XXYLT1: variants seen among roughly 807,000 people sequenced by gnomAD.
XXYLT1 encodes the protein UDP-xylose:alpha-xyloside alpha-1,3-xylosyltransferase.
A neutral mutation model predicts 28.9 loss-of-function variants in XXYLT1; 20 were observed. The observed-to-expected ratio is 0.69, with a 90% confidence interval of 0.49 to 1.00. XXYLT1 has a LOEUF of 1.00. XXYLT1 is among the 50% of genes least tolerant of loss of function. XXYLT1 has a pLI of 0.00. For synonymous variants in XXYLT1, 257 were observed against 253.8 expected, an observed-to-expected ratio of 1.01 and a Z score of -0.12; for missense variants, 542 against 560.1, an observed-to-expected ratio of 0.97 and a Z score of 0.33.
At chr3:195,163,076 G>A (rs933863848) in intron 2 of XXYLT1, among the ~76,000 whole-genome samples, 4 of 152,096 alleles carry the variant, frequency 2.6e-5, no homozygotes, top group Admixed American at 1.3e-4. Context: ...CAGTTAGACC[G>A]ATGATGCTTA....
At chr3:195,149,806 T>G (rs1720089735) in intron 3 of XXYLT1, among the ~76,000 whole-genome samples, 1 of 152,232 alleles carries the variant, frequency 6.6e-6, no homozygotes, top group African/African-American at 2.4e-5. Context: ...AAAACTGGTC[T>G]GTATAGATAA....
chr3:195,096,471 C>T lies in XXYLT1; in HGVS notation c.786-26360G>A, dbSNP rs148457730. ...CATAATACACATGCACATACGCACA[C>T]GTGTACGTAACAGACGCACATGCTG... On this transcript the variant is annotated intron_variant, in intron 3 of 3. Coordinates refer to ENST00000310380, the MANE Select transcript of XXYLT1 (RefSeq NM_152531.5). Among the ~76,000 whole-genome samples, 17 of 152,296 alleles carry T rather than the reference C, an allele frequency of 1.1e-4. No homozygotes were observed. The East Asian group carries it at 1.7e-3, about 16-fold the overall frequency.
rs139512771 is a variant in XXYLT1, at chr3:195,133,140, A to G, written c.785+23309T>C. On this transcript the variant is annotated intron_variant, in intron 3 of 3. Transcript: ENST00000310380. The surrounding 1 kb of genome is among the most constrained non-coding windows in gnomAD (Gnocchi z 4.4). ...GGGACCTGACAGAAGGAGGGTGGCA[A>G]GAGAAGGAATCAGGCAGATTAAGGG... Among the ~76,000 whole-genome samples, 257 of 152,354 alleles carry G rather than the reference A, an allele frequency of 1.7e-3. 5 individuals are homozygous for G. Among genetic ancestry groups the G allele is most frequent in the Admixed American group, 0.014 (217 of 15,304 alleles).
intron 1 of XXYLT1, among the ~76,000 whole-genome samples, chr3:195,260,700 C>T (rs1205378555): frequency 6.6e-6 from 1 of 152,346 alleles, no homozygotes; most frequent in Non-Finnish European, 1.5e-5. Context: ...CCTCAAACAG[C>T]AGAGGAGGTG....
intron 3 of XXYLT1, among the ~76,000 whole-genome samples, chr3:195,107,765 A>G (rs946629203): frequency 6.6e-6 from 1 of 151,428 alleles, no homozygotes; most frequent in Non-Finnish European, 1.5e-5. Context: ...TCTGGCGGGG[A>G]TCCAGCCCCT....
chr3:195,086,490 T>C (rs1715735911), intron 3 of XXYLT1, among the ~76,000 whole-genome samples: 1 of 152,180 alleles, frequency 6.6e-6, no homozygotes, highest in African/African-American at 2.4e-5. Context: ...GTCTATCCAG[T>C]TGTATTCAAC....
At chr3:195,122,658 C>T (rs191611672) in intron 3 of XXYLT1, among the ~76,000 whole-genome samples, 156 of 152,326 alleles carry the variant, frequency 1.0e-3, no homozygotes, top group Non-Finnish European at 1.8e-3. Context: ...AGCCCCAGCA[C>T]CACAAATTAG....
intron 2 of XXYLT1, among the ~76,000 whole-genome samples, chr3:195,216,237 T>C (rs1284009421): frequency 1.3e-5 from 2 of 151,018 alleles, no homozygotes; most frequent in Non-Finnish European, 3.0e-5. Context: ...CACCCTAACA[T>C]CACAATTGAA....
rs1461003313 is a variant in XXYLT1 at position 195,255,308 on chromosome 3, A to G, written c.504+15247T>C. Among the ~76,000 whole-genome samples the G allele has an allele frequency of 6.6e-6, 1 of 152,100 alleles. No homozygotes were observed. The highest frequency in any genetic ancestry group is 6.5e-5 in the Admixed American group (1 of 15,282). ...GCAGGAGTGCAGAGCCAGGTGGGAG[A>G]CAGCAGCGGGGTTCCCTACCCCACA... On this transcript the variant is annotated intron_variant, in intron 1 of 3. Coordinates refer to ENST00000310380, the MANE Select transcript of XXYLT1 (RefSeq NM_152531.5). The surrounding 1 kb of genome is among the most constrained non-coding windows in gnomAD (Gnocchi z 4.5).
chr3:195,153,808 G>C (rs746861794), intron 3 of XXYLT1: 2 of 152,178 alleles, frequency 1.3e-5, no homozygotes, highest in African/African-American at 4.8e-5. Flanking sequence ...GAAGGCATTG[G>C]CGCTGTAACT....
At chr3:195,103,802 C>T (rs1716941278) in intron 3 of XXYLT1, among the ~76,000 whole-genome samples, 1 of 152,180 alleles carries the variant, frequency 6.6e-6, no homozygotes, top group African/African-American at 2.4e-5. Flanking sequence ...TGTCCTTTGA[C>T]CTCATGGAAT....
At chr3:195,089,845 A>G (rs1177087694) in intron 3 of XXYLT1, among the ~76,000 whole-genome samples, 1 of 152,118 alleles carries the variant, frequency 6.6e-6, no homozygotes, top group Non-Finnish European at 1.5e-5. Flanking sequence ...TACCAAGCCA[A>G]TGGAAAACAA....
chr3:195,190,722 C>A (rs896586240), intron 2 of XXYLT1, among the ~76,000 whole-genome samples: 1 of 151,428 alleles, frequency 6.6e-6, no homozygotes, highest in African/African-American at 2.4e-5. Flanking sequence ...GGGTTTATAA[C>A]GTATATAAAC....
At chr3:195,156,364 TC>T (rs1720588448) in intron 3 of XXYLT1, 84 bp downstream of exon 3, 2 of 1,558,218 alleles carry the variant, frequency 1.3e-6, no homozygotes, top group Admixed American at 1.9e-5. Context: ...CGCCACTAAA[TC>T]CCAATCTGTC....
intron 2 of XXYLT1, among the ~76,000 whole-genome samples, chr3:195,179,416 T>C (rs541504723): frequency 1.3e-5 from 2 of 151,244 alleles, no homozygotes; most frequent in African/African-American, 4.9e-5. Flanking sequence ...CAAAACACTC[T>C]GACCCAATTC....
intron 2 of XXYLT1, among the ~76,000 whole-genome samples, chr3:195,224,939 G>C (rs1025885439): frequency 2.0e-5 from 3 of 152,192 alleles, no homozygotes; most frequent in South Asian, 4.1e-4. Context: ...CTAGAATCTA[G>C]AACAGAACCA....
chr3:195,243,359 T>TA (rs550882445), intron 1 of XXYLT1, among the ~76,000 whole-genome samples: 3,522 of 140,864 alleles, frequency 0.025, 65 homozygotes, highest in Middle Eastern at 0.059. Context: ...CAAAGTATAA[T>TA]AAAAAAAAAA....
intron 3 of XXYLT1, among the ~76,000 whole-genome samples, chr3:195,125,331 G>A (rs985166300): frequency 6.6e-6 from 1 of 152,258 alleles, no homozygotes; most frequent in Non-Finnish European, 1.5e-5. Flanking sequence ...GGGGAAGCCT[G>A]GGGCCTGGGC....
chr3:195,171,762 G>A (rs1721416390), intron 2 of XXYLT1, among the ~76,000 whole-genome samples: 1 of 152,218 alleles, frequency 6.6e-6, no homozygotes, highest in Non-Finnish European at 1.5e-5. Context: ...TGCCAGGTCA[G>A]GGCAAATTTG....
Sources: allele counts gnomAD v4.1 joint callset (sites outside exome capture counted in the v4.1 genomes callset), GRCh38; gene constraint gnomAD v4.1.1; non-coding constraint Gnocchi (gnomAD v3.1); transcripts MANE v1.5; gene names NCBI Gene and HGNC (gene_info 2026-07-23, HGNC 2026-07-21).